The following TTF2 variants were observed in gnomAD, a reference collection of about 807,000 sequenced individuals.
TTF2 encodes transcription termination factor 2, also known as RNA polymerase II termination factor.
In TTF2, 108 loss-of-function variants were observed where a neutral mutation model predicts 142.4. The ratio of observed to expected loss-of-function variants is 0.76; its 90% CI spans 0.65 to 0.89. TTF2 has a LOEUF of 0.89. TTF2 is among the 40% of genes least tolerant of loss of function. The pLI is 0.00. For missense variants in TTF2, 1,327 were observed against 1,379.8 expected (o/e 0.96, Z 0.61); for synonymous variants, 483 against 506.2 (o/e 0.95, Z 0.61).
chr1:117,087,010 GTCT>G lies in TTF2; in HGVS notation c.2160+492_2160+494del, dbSNP rs1364352087. 1.3e-5 allele frequency among the ~76,000 whole-genome samples: 2 copies of G among 152,034 alleles called. No individual in the cohort carries two copies. The highest frequency in any genetic ancestry group is 2.4e-5 in the African/African-American group (1 of 41,402). ...AAGTGACAATTGTGAATACGTGATG[GTCT>G]TCTAGGGTGTCCAGGGCAGCCTCAG... is the stretch of plus-strand genomic sequence containing the variant. On this transcript the variant is annotated intron_variant, in intron 12 of 22. Coordinates refer to ENST00000369466, the MANE Select transcript of TTF2 (RefSeq NM_003594.4). This position sits in a 1 kb window ranked among gnomAD's most constrained non-coding sequence, Gnocchi z 4.8.
chr1:117,060,550 G>A lies in TTF2; in HGVS notation c.124G>A (p.Ala42Thr). The stretch of plus-strand genomic sequence containing the variant: ...GGCAGACACGTGCAGCTTCGTGCGG[G>A]CCACCGAGTAGGTCTGGAGCTGGGC... ...CRADTCSFVR[A>T]TDIPVSHCLL... Residue 42 changes from alanine to threonine, a missense_variant, in exon 2 of 23, where the codon GCC (alanine) becomes ACC (threonine). Physicochemically the swap from Ala to Thr is moderately conservative, Grantham distance 58. Coordinates refer to ENST00000369466, the MANE Select transcript of TTF2 (RefSeq NM_003594.4). The A allele has an allele frequency of 6.2e-7, 1 of 1,609,916 alleles. No homozygotes were observed. The highest frequency in any genetic ancestry group is 8.5e-7 in the Non-Finnish European group (1 of 1,177,726).
rs561701777 is a variant in TTF2, at chr1:117,077,828, T to C, written c.1574-88T>C. 11 of 1,543,766 alleles carry C rather than the reference T, an allele frequency of 7.1e-6. No homozygotes were observed. In the African/African-American group the frequency reaches 1.4e-4, roughly 19 times the overall value. ...GTTAACAAGGAGGGTAAGAAACAGA[T>C]ACAGGGCCATTTGTAGCTAAGTTCA... On this transcript the variant is annotated intron_variant, in intron 7 of 22. Coordinates refer to ENST00000369466, the MANE Select transcript of TTF2 (RefSeq NM_003594.4).
chr1:117,096,097 G>A lies in TTF2; in HGVS notation c.3036-52G>A. The A allele has an allele frequency of 5.0e-6, 8 of 1,598,016 alleles. No homozygotes were observed. The South Asian group carries it at 5.6e-5, about 11-fold the overall frequency. The stretch of plus-strand genomic sequence containing the variant: ...ATGAGGGCATTAAAGCCCTGCAGAT[G>A]AGTCTGTTTAATCTATGTTAGGGTA... On this transcript the variant is annotated intron_variant, in intron 19 of 22. Transcript: ENST00000369466.
In TTF2 at chr1:117,063,288, A is replaced by G. The variant is rs1219152604; in HGVS notation, c.218+815A>G. ...TATAGTAAGATACACAAGTCTTAAG[A>G]TTTCAACCAGTTGAGTTTTGAGAAT... On this transcript the variant is annotated intron_variant, in intron 3 of 22. Coordinates refer to ENST00000369466, the MANE Select transcript of TTF2 (RefSeq NM_003594.4). The surrounding 1 kb of genome is among the most constrained non-coding windows in gnomAD (Gnocchi z 4.1). Among the ~76,000 whole-genome samples, 1 of 152,184 alleles carries G rather than the reference A, an allele frequency of 6.6e-6. No homozygotes were observed. The highest frequency in any genetic ancestry group is 1.9e-4 in the East Asian group (1 of 5,202).
Position 117,098,861 on chromosome 1 carries a change from G to C in TTF2, c.3298G>C (p.Asp1100His). Reference protein sequence around the residue: ...WNPSLEDQACDRIYRVGQQKD... With the variant: ...WNPSLEDQACHRIYRVGQQKD... The stretch of plus-strand genomic sequence containing the variant: ...TCCATCACTTGAAGATCAAGCTTGT[G>C]ACCGAATTTACCGAGTAGGGCAGCA... Residue 1100 changes from aspartate to histidine, a missense_variant, in exon 22 of 23, where the codon GAC becomes CAC. Coordinates refer to ENST00000369466, the MANE Select transcript of TTF2 (RefSeq NM_003594.4). The C allele has an allele frequency of 6.2e-7, 1 of 1,612,076 alleles. No individual in the cohort carries two copies. Among genetic ancestry groups the C allele is most frequent in the East Asian group, 2.2e-5 (1 of 44,764 alleles).
intron 8 of TTF2, 45 bp downstream of exon 8, chr1:117,078,088 C>A: frequency 6.3e-7 from 1 of 1,589,608 alleles, no homozygotes; most frequent in Non-Finnish European, 8.6e-7. Context: ...TGACAGTGCT[C>A]CAGCAGCCCC....
chr1:117,096,023 T>C (rs955557752), intron 19 of TTF2, 126 bp from the exon 20 acceptor site: 42 of 983,134 alleles, frequency 4.3e-5, no homozygotes, highest in African/African-American at 4.9e-5. Context: ...CTCCCTTAGG[T>C]AGCAGAAGGC....
chr1:117,076,579 C>T lies in TTF2; in HGVS notation c.1391-62C>T. Reference sequence around the variant, plus strand: ...CCTCTCTCTTGACCTCACCTCCACACATATGGTCCCTTCACTTAGTTTGCT... The same window carrying T: ...CCTCTCTCTTGACCTCACCTCCACATATATGGTCCCTTCACTTAGTTTGCT... On this transcript the variant is annotated intron_variant, in intron 6 of 22. Coordinates refer to ENST00000369466, the MANE Select transcript of TTF2 (RefSeq NM_003594.4). The surrounding 1 kb of genome is among the most constrained non-coding windows in gnomAD (Gnocchi z 4.6). 1.3e-6 allele frequency: 2 copies of T among 1,525,530 alleles called. No individual in the cohort carries two copies. The highest frequency in any genetic ancestry group is 4.5e-5 in the East Asian group (2 of 44,268). 94.5% of individuals were successfully genotyped at this position (1,525,530 alleles called of 1,614,324 possible).
intron 10 of TTF2, 168 bp downstream of exon 10, chr1:117,082,115 T>C: frequency 1.0e-6 from 1 of 992,800 alleles, no homozygotes; most frequent in Non-Finnish European, 1.5e-6. Context: ...CTGAGTATGC[T>C]AATTATAAGT....
intron 13 of TTF2, among the ~76,000 whole-genome samples, 190 bp downstream of exon 13, chr1:117,089,172 C>T (rs899011423): frequency 2.6e-5 from 4 of 151,362 alleles, no homozygotes; most frequent in African/African-American, 9.7e-5. Flanking sequence ...TGATATAGGA[C>T]TTTGATTACA....
In TTF2 at chr1:117,101,563, G is replaced by GT. The variant is rs768342013; in HGVS notation, c.*42dup. ...AGGGCTCAGAATAGCACCATTGCTGGTTTGTATTAGGATCTGGGAATAACA... is the reference window on the plus strand; with the variant it reads ...AGGGCTCAGAATAGCACCATTGCTGGTTTTGTATTAGGATCTGGGAATAACA... On this transcript the variant is annotated 3_prime_UTR_variant, in exon 23 of 23. Transcript: ENST00000369466. This position sits in a 1 kb window ranked among gnomAD's most constrained non-coding sequence, Gnocchi z 5.9. The GT allele has an allele frequency of 1.3e-5, 20 of 1,524,712 alleles. No individual in the cohort carries two copies. The highest frequency in any genetic ancestry group is 1.7e-5 in the Non-Finnish European group (20 of 1,143,720). 94.4% of individuals were successfully genotyped at this position (1,524,712 alleles called of 1,614,324 possible).
Position 117,087,347 on chromosome 1 carries a change from C to G in TTF2, c.2160+825C>G, listed in dbSNP as rs1345114996. 6.6e-6 allele frequency among the ~76,000 whole-genome samples: 1 copy of G among 152,130 alleles called. No individual in the cohort carries two copies. The highest frequency in any genetic ancestry group is 1.5e-5 in the Non-Finnish European group (1 of 68,014). On this transcript the variant is annotated intron_variant, in intron 12 of 22. Coordinates refer to ENST00000369466, the MANE Select transcript of TTF2 (RefSeq NM_003594.4). The surrounding 1 kb of genome is among the most constrained non-coding windows in gnomAD (Gnocchi z 4.8). ...TCACTCTGTCGCCCAGGATGGAGTG[C>G]ATGGTGCGATCTTGGCTCACTGCAA...
At chr1:117,083,429 G>C (rs1033350299) in intron 10 of TTF2, among the ~76,000 whole-genome samples, 3 of 152,056 alleles carry the variant, frequency 2.0e-5, no homozygotes, top group Admixed American at 6.6e-5. Flanking sequence ...ACCAATGTTT[G>C]CTTATTTTTT....
At chr1:117,083,534 C>T (rs1371481918) in intron 10 of TTF2, among the ~76,000 whole-genome samples, 3 of 152,182 alleles carry the variant, frequency 2.0e-5, no homozygotes, top group African/African-American at 7.2e-5. Context: ...TATAATGAAT[C>T]AACTCAAGAG....
At position 117,080,728 on chromosome 1, in the gene TTF2, T is replaced by C. The variant is rs1647430275; in HGVS notation, c.1783+1079T>C. 6.6e-6 allele frequency among the ~76,000 whole-genome samples: 1 copy of C among 152,182 alleles called. No individual in the cohort carries two copies. The highest frequency in any genetic ancestry group is 1.5e-5 in the Non-Finnish European group (1 of 68,034). On this transcript the variant is annotated intron_variant, in intron 9 of 22. Coordinates refer to ENST00000369466, the MANE Select transcript of TTF2 (RefSeq NM_003594.4). This position sits in a 1 kb window ranked among gnomAD's most constrained non-coding sequence, Gnocchi z 4.3. ...CATATGGTCATACTCACAGCTGTGA[T>C]TTATTACAGTGAAAGGCTATAGATC...
In TTF2 at chr1:117,104,324, T is replaced by C. The variant is rs990295180; in HGVS notation, c.*2800T>C. The C allele has an allele frequency of 1.3e-5, 2 of 152,216 alleles. No individual in the cohort carries two copies. 9.4% of individuals were successfully genotyped at this position (152,216 alleles called of 1,614,324 possible). On this transcript the variant is annotated 3_prime_UTR_variant, in exon 23 of 23. Transcript: ENST00000369466. ...GGAATTTCATAGCAAATATATATAC[T>C]ACAACATGGTTGACCAGATAGATCA...
chr1:117,075,228 A>C lies in TTF2; in HGVS notation c.644A>C (p.Asp215Ala). The C allele has an allele frequency of 6.2e-7, 1 of 1,614,192 alleles. No homozygotes were observed. Among genetic ancestry groups the C allele is most frequent in the Non-Finnish European group, 8.5e-7 (1 of 1,180,036 alleles). Residue 215 changes from aspartate (D) to alanine (A), a missense_variant, in exon 5 of 23, where the codon GAC (aspartate) becomes GCC (alanine). Transcript: ENST00000369466. This position sits in a 1 kb window ranked among gnomAD's most constrained non-coding sequence, Gnocchi z 4.5. ...GAGACTGGAGGCACACACAAAAGAG[A>C]CTTTTCTGAAATTAAATCTCAACAG... ...EAETGGTHKR[D>A]FSEIKSQQCQ...
In TTF2 at chr1:117,091,778, A is replaced by C. The variant is rs1454514086; in HGVS notation, c.2672-39A>C. ...GGCTCTCTCCGTATTTCTCTTTTAA[A>C]TCCTGTACCATCCTGTGGCTTGTCT... On this transcript the variant is annotated intron_variant, in intron 16 of 22. Coordinates refer to ENST00000369466, the MANE Select transcript of TTF2 (RefSeq NM_003594.4). 3.7e-6 allele frequency: 6 copies of C among 1,600,298 alleles called. No individual in the cohort carries two copies. The Admixed American group carries it at 1.0e-4, about 27-fold the overall frequency.
At chr1:117,077,443 G>C (rs894391952) in intron 7 of TTF2, among the ~76,000 whole-genome samples, 1 of 152,152 alleles carries the variant, frequency 6.6e-6, no homozygotes, top group Non-Finnish European at 1.5e-5. Context: ...ACTCTAGCTC[G>C]CATCATTATG....
Sources: gnomAD v4.1 joint callset for allele counts (sites outside exome capture counted in the v4.1 genomes callset) on GRCh38, gnomAD v4.1.1 for gene constraint, Gnocchi (gnomAD v3.1) non-coding constraint, MANE v1.5 for transcripts, NCBI Gene and HGNC (gene_info 2026-07-23, HGNC 2026-07-21) for gene names.